CCDC149: variants seen among roughly 807,000 people sequenced by gnomAD.
The protein encoded by CCDC149 is coiled-coil domain-containing protein 149.
A neutral mutation model predicts 59.9 loss-of-function variants in CCDC149; 45 were observed. The observed-to-expected ratio is 0.75, with a 90% CI of 0.59 to 0.96. CCDC149 has a LOEUF of 0.96. Ranked by LOEUF, CCDC149 falls within the 40% of genes least tolerant of loss-of-function variation. The pLI is 0.00. For synonymous variants in CCDC149, 245 were observed against 260.6 expected (o/e 0.94, Z 0.58); for missense variants, 584 against 664.7 (o/e 0.88, Z 1.33).
At chr4:24,834,897 C>T (rs1366831402) in intron 8 of CCDC149, 51 bp downstream of exon 8, 2 of 1,375,058 alleles carry the variant, frequency 1.5e-6, no homozygotes, top group Non-Finnish European at 2.1e-6. Context: ...GGGCTTGCAG[C>T]TCTAGTATTT....
At chr4:24,937,470 T>C (rs1184314526) in intron 1 of CCDC149, among the ~76,000 whole-genome samples, 1 of 152,150 alleles carries the variant, frequency 6.6e-6, no homozygotes, top group African/African-American at 2.4e-5. Context: ...GCTTAACAAA[T>C]AGGTTATGCT....
intron 1 of CCDC149, among the ~76,000 whole-genome samples, chr4:24,895,526 C>T (rs542865061): frequency 1.3e-5 from 2 of 152,190 alleles, no homozygotes; most frequent in South Asian, 2.1e-4. Context: ...TTACATTGCT[C>T]GGTGTTTAAA....
intron 7 of CCDC149, among the ~76,000 whole-genome samples, chr4:24,835,685 A>G (rs1716468890): frequency 6.6e-6 from 1 of 152,208 alleles, no homozygotes; most frequent in Non-Finnish European, 1.5e-5. Flanking sequence ...AGACTGGTAT[A>G]ATGTGTGGCT....
chr4:24,938,575 G>A (rs576074943), intron 1 of CCDC149, among the ~76,000 whole-genome samples: 40 of 152,336 alleles, frequency 2.6e-4, no homozygotes, highest in African/African-American at 7.7e-4. Flanking sequence ...TGCACTGGGC[G>A]TGAGCCGAAG....
intron 1 of CCDC149, among the ~76,000 whole-genome samples, chr4:24,877,496 A>G (rs912574133): frequency 9.2e-5 from 14 of 151,892 alleles, no homozygotes; most frequent in African/African-American, 3.4e-4. Context: ...TGTAGTTTTT[A>G]TTGTAAAAAA....
chr4:24,960,807 T>A (rs558695861), intron 1 of CCDC149, among the ~76,000 whole-genome samples: 2 of 152,276 alleles, frequency 1.3e-5, no homozygotes, highest in African/African-American at 4.8e-5. Context: ...AAATTACAGC[T>A]GGAAATATCA....
intron 1 of CCDC149, among the ~76,000 whole-genome samples, chr4:24,894,145 G>A (rs894659928): frequency 6.6e-6 from 1 of 152,080 alleles, no homozygotes; most frequent in African/African-American, 2.4e-5. Flanking sequence ...ATCCAGCACA[G>A]GACTCAAAGC....
intron 1 of CCDC149, chr4:24,894,879 C>CCA: frequency 1.4e-6 from 2 of 1,389,782 alleles, no homozygotes; most frequent in East Asian, 5.0e-5. Context: ...TGTGCTAGAA[C>CCA]CAAACAGAAC....
intron 4 of CCDC149, among the ~76,000 whole-genome samples, chr4:24,849,362 T>C (rs1717511801): frequency 6.6e-6 from 1 of 152,216 alleles, no homozygotes; most frequent in Non-Finnish European, 1.5e-5. Context: ...AGGAAGGGGA[T>C]GGTATCCAGT....
At chr4:24,898,083 A>G (rs975231576) in intron 1 of CCDC149, among the ~76,000 whole-genome samples, 3 of 152,166 alleles carry the variant, frequency 2.0e-5, no homozygotes, top group African/African-American at 7.2e-5. Flanking sequence ...CGCCCCATCA[A>G]TATGATTTTT....
chr4:24,902,374 A>G (rs16876362), intron 1 of CCDC149, among the ~76,000 whole-genome samples: 5,804 of 152,324 alleles, frequency 0.038, 350 homozygotes, highest in African/African-American at 0.13. Context: ...AAAAGCATTC[A>G]GTGCCTCCCC....
At chr4:24,852,287 T>TGCACACAC (rs1553851403) in intron 4 of CCDC149, among the ~76,000 whole-genome samples, 2 of 121,282 alleles carry the variant, frequency 1.6e-5, no homozygotes, top group Non-Finnish European at 3.4e-5. Context: ...CAACACACCA[T>TGCACACAC]ACACACACAC....
chr4:24,839,053 CACACACACAG>C (rs1214111534), intron 4 of CCDC149, among the ~76,000 whole-genome samples: 45 of 143,646 alleles, frequency 3.1e-4, no homozygotes, highest in African/African-American at 8.8e-4. Context: ...CACACACACA[CACACACACAG>C]AGAGAGAGAG....
intron 6 of CCDC149, among the ~76,000 whole-genome samples, chr4:24,836,729 T>A (rs1037758255): frequency 2.0e-5 from 3 of 152,116 alleles, no homozygotes; most frequent in African/African-American, 7.2e-5. Context: ...ACAACCCACT[T>A]TAAAACAGCC....
intron 1 of CCDC149, chr4:24,895,136 T>C: frequency 3.5e-6 from 3 of 858,390 alleles, no homozygotes; most frequent in East Asian, 2.7e-5. Context: ...TAAGAACACG[T>C]TATAAAAACA....
chr4:24,855,562 G>C, intron 3 of CCDC149, among the ~76,000 whole-genome samples: 1 of 106,626 alleles, frequency 9.4e-6, no homozygotes, highest in Non-Finnish European at 1.9e-5. Context: ...GCAACAAAGA[G>C]AGACTCTGTC....
chr4:24,828,144 A>G (rs1715883999), intron 9 of CCDC149: 1 of 152,198 alleles, frequency 6.6e-6, no homozygotes, highest in Admixed American at 6.5e-5. Context: ...TAAGTATTAA[A>G]GATGGCACAT....
intron 1 of CCDC149, among the ~76,000 whole-genome samples, chr4:24,922,237 A>G (rs1030954313): frequency 2.0e-5 from 3 of 152,182 alleles, no homozygotes; most frequent in Non-Finnish European, 4.4e-5. Flanking sequence ...CCCTTACAGC[A>G]ACTTTCTTTT....
chr4:24,962,449 TC>T (rs1243145121), intron 1 of CCDC149, among the ~76,000 whole-genome samples: 2 of 152,186 alleles, frequency 1.3e-5, no homozygotes, highest in African/African-American at 2.4e-5. Context: ...GACCTAGCCA[TC>T]CCATTACTGG....
Sources: gnomAD v4.1 joint callset for allele counts (sites outside exome capture counted in the v4.1 genomes callset) on GRCh38, gnomAD v4.1.1 for gene constraint, MANE v1.5 for transcripts, NCBI Gene and HGNC (gene_info 2026-07-23, HGNC 2026-07-21) for gene names.